MRPS28: variants seen among roughly 807,000 people sequenced by gnomAD.
The protein encoded by MRPS28 is mitochondrial ribosomal protein S28, also known as small ribosomal subunit protein bS1m.
A neutral mutation model predicts 10.8 loss-of-function variants in MRPS28; 7 were observed. The observed-to-expected ratio is 0.65, with a 90% CI of 0.37 to 1.22. MRPS28 has a LOEUF of 1.22. Ranked by LOEUF, MRPS28 falls within the 50% of genes most tolerant of loss-of-function variation. The pLI is 0.02. For missense variants in MRPS28, 265 were observed against 232.9 expected (o/e 1.14, Z -0.90); for synonymous variants, 121 against 93.3 (o/e 1.30, Z -1.71).
chr8:79,938,922 CA>C (rs558019857), intron 2 of MRPS28, among the ~76,000 whole-genome samples: 125 of 152,182 alleles, frequency 8.2e-4, no homozygotes, highest in African/African-American at 2.9e-3. Flanking sequence ...TAAAATCAAA[CA>C]TTTAACATAA....
intron 1 of MRPS28, among the ~76,000 whole-genome samples, chr8:80,012,560 T>C (rs1451245724): frequency 6.6e-6 from 1 of 152,170 alleles, no homozygotes; most frequent in Non-Finnish European, 1.5e-5. Context: ...TAGAGCTCAG[T>C]GCCTAACCCT....
At chr8:80,011,992 A>G (rs930549086) in intron 1 of MRPS28, among the ~76,000 whole-genome samples, 5 of 152,188 alleles carry the variant, frequency 3.3e-5, no homozygotes, top group Admixed American at 6.5e-5. Context: ...GAGTGCTCTC[A>G]ACTGTTTAAA....
intron 2 of MRPS28, among the ~76,000 whole-genome samples, chr8:79,976,411 T>C (rs1355346517): frequency 6.6e-6 from 1 of 152,050 alleles, no homozygotes; most frequent in Non-Finnish European, 1.5e-5. Context: ...AAAACATATA[T>C]ATAAAAATGC....
chr8:79,998,917 A>C (rs895851062), intron 2 of MRPS28, among the ~76,000 whole-genome samples: 3 of 152,250 alleles, frequency 2.0e-5, no homozygotes, highest in Non-Finnish European at 4.4e-5. Context: ...AGAAACAATA[A>C]AAAATTAAAA....
In MRPS28 at chr8:79,990,305, C is replaced by T. The variant is rs140124493; in HGVS notation, c.395+12694G>A. Among the ~76,000 whole-genome samples the T allele has an allele frequency of 4.5e-3, 685 of 152,190 alleles. 7 individuals are homozygous for T. Among genetic ancestry groups the T allele is most frequent in the African/African-American group, 0.015 (630 of 41,516 alleles). ...GCTAGAAACCTTTAGCATGAGTTAC[C>T]GAGTCCTATCAGTCTTTCTCTGAAC... On this transcript the variant is annotated intron_variant, in intron 2 of 2. Coordinates refer to ENST00000276585, the MANE Select transcript of MRPS28 (RefSeq NM_014018.3).
chr8:79,958,684 T>C (rs1328204734), intron 2 of MRPS28, among the ~76,000 whole-genome samples: 1 of 152,146 alleles, frequency 6.6e-6, no homozygotes, highest in Non-Finnish European at 1.5e-5. Context: ...TGATATTCTG[T>C]TCTGTTAACA....
intron 1 of MRPS28, among the ~76,000 whole-genome samples, chr8:80,014,094 G>GA (rs1809133191): frequency 6.6e-6 from 1 of 151,998 alleles, no homozygotes; most frequent in Non-Finnish European, 1.5e-5. Flanking sequence ...AAGAAGCTGT[G>GA]AAAAAAAGAA....
chr8:79,940,378 A>G (rs984558201), intron 2 of MRPS28, among the ~76,000 whole-genome samples: 2 of 152,226 alleles, frequency 1.3e-5, no homozygotes, highest in Admixed American at 6.5e-5. Context: ...TTGCGAGTGA[A>G]GTGAACTCCT....
intron 2 of MRPS28, among the ~76,000 whole-genome samples, chr8:79,977,770 T>C (rs974503425): frequency 6.6e-5 from 10 of 151,968 alleles, no homozygotes; most frequent in African/African-American, 1.9e-4. Context: ...TGAGCTGAGA[T>C]TGCAGCACTA....
rs529559876 is a variant in MRPS28, at chr8:79,946,793, T to C, written c.396-27645A>G. 4.6e-5 allele frequency among the ~76,000 whole-genome samples: 7 copies of C among 152,322 alleles called. No homozygotes were observed. The South Asian group carries it at 1.4e-3, about 32-fold the overall frequency. On this transcript the variant is annotated intron_variant, in intron 2 of 2. Coordinates refer to ENST00000276585, the MANE Select transcript of MRPS28 (RefSeq NM_014018.3). ...TAGGTTTGCAAAATGATTATTTTTC[T>C]AACTAAAATAACAAGCGTTTGTATT...
At chr8:79,948,452 A>G (rs539360062) in intron 2 of MRPS28, among the ~76,000 whole-genome samples, 1 of 152,308 alleles carries the variant, frequency 6.6e-6, no homozygotes, top group South Asian at 2.1e-4. Context: ...TAATCTGTGT[A>G]TCTTTTATTA....
intron 2 of MRPS28, among the ~76,000 whole-genome samples, chr8:79,981,141 C>A (rs1439818165): frequency 6.6e-6 from 1 of 152,096 alleles, no homozygotes; most frequent in Non-Finnish European, 1.5e-5. Flanking sequence ...TGAGCCTGGG[C>A]AATGTGGTGA....
At chr8:80,014,375 C>G (rs763970925) in intron 1 of MRPS28, among the ~76,000 whole-genome samples, 5 of 151,948 alleles carry the variant, frequency 3.3e-5, no homozygotes, top group Non-Finnish European at 5.9e-5. Flanking sequence ...TGTTATGCAG[C>G]AGTAACTTAT....
At position 80,030,026 on chromosome 8, in the gene MRPS28, C is replaced by A. The variant is rs1809612745; in HGVS notation, c.213+10G>T. Reference sequence around the variant, plus strand: ...TTCCCGCGACTCCCTCTCACCCGCCCGGGCTCCACCTTCTGTAGGGGCTCC... The same window carrying A: ...TTCCCGCGACTCCCTCTCACCCGCCAGGGCTCCACCTTCTGTAGGGGCTCC... On this transcript the variant is annotated intron_variant, in intron 1 of 2. Coordinates refer to ENST00000276585, the MANE Select transcript of MRPS28 (RefSeq NM_014018.3). 2.5e-6 allele frequency: 4 copies of A among 1,609,986 alleles called. No individual in the cohort carries two copies. The highest frequency in any genetic ancestry group is 3.4e-6 in the Non-Finnish European group (4 of 1,178,616).
At chr8:79,929,409 G>A (rs1343630788) in intron 2 of MRPS28, among the ~76,000 whole-genome samples, 1 of 152,110 alleles carries the variant, frequency 6.6e-6, no homozygotes, top group African/African-American at 2.4e-5. Context: ...AACACAATTA[G>A]AGGGTCATTG....
intron 1 of MRPS28, 185 bp downstream of exon 1, chr8:80,029,851 G>A (rs1451503611): frequency 6.5e-7 from 1 of 1,535,116 alleles, no homozygotes; most frequent in Non-Finnish European, 8.7e-7. Flanking sequence ...ACAACGAAAG[G>A]AAGAAAAACA....
chr8:80,001,823 T>A (rs1281363172), intron 2 of MRPS28, among the ~76,000 whole-genome samples: 3 of 152,220 alleles, frequency 2.0e-5, no homozygotes, highest in Non-Finnish European at 1.5e-5. Flanking sequence ...GGGAGAGGTG[T>A]GCTGCAGCCA....
chr8:79,983,299 G>A (rs1227289931), intron 2 of MRPS28, among the ~76,000 whole-genome samples: 1 of 151,980 alleles, frequency 6.6e-6, no homozygotes, highest in Non-Finnish European at 1.5e-5. Flanking sequence ...AAGACCAAAA[G>A]TAGATAAAAC....
chr8:79,991,909 GCTCTCTCT>G (rs33936648), intron 2 of MRPS28, among the ~76,000 whole-genome samples: 7,999 of 132,598 alleles, frequency 0.06, 322 homozygotes, highest in East Asian at 0.12. Context: ...CTTCCTCCTT[GCTCTCTCT>G]CTCTCTCTCT....
Sources: gnomAD v4.1 joint callset for allele counts (sites outside exome capture counted in the v4.1 genomes callset) on GRCh38, gnomAD v4.1.1 for gene constraint, MANE v1.5 for transcripts, NCBI Gene and HGNC (gene_info 2026-07-23, HGNC 2026-07-21) for gene names.